Variants in SCUBE2 observed in about 807,000 individuals in gnomAD.
SCUBE2 encodes signal peptide, CUB domain and EGF like domain containing 2.
A neutral mutation model predicts 125.9 loss-of-function variants in SCUBE2; 114 were observed. The observed-to-expected ratio is 0.91, with a 90% confidence interval of 0.78 to 1.06. SCUBE2 has a LOEUF of 1.06. Ranked by LOEUF, SCUBE2 falls within the 50% of genes least tolerant of loss-of-function variation. SCUBE2 has a pLI of 0.00. For synonymous variants in SCUBE2, 459 were observed against 492.9 expected, an observed-to-expected ratio of 0.93 and a Z score of 0.91; for missense variants, 1,255 against 1,301.8, an observed-to-expected ratio of 0.96 and a Z score of 0.55.
At chr11:9,054,723 ATATTTTTTTT>A (rs1362505735) in intron 10 of SCUBE2, among the ~76,000 whole-genome samples, 1 of 38,856 alleles carries the variant, frequency 2.6e-5, no homozygotes, top group African/African-American at 1.2e-4. Context: ...ATATATATAT[ATATTTTTTTT>A]TTTTTTTTTT....
intron 16 of SCUBE2, among the ~76,000 whole-genome samples, chr11:9,034,613 AT>A (rs1295759575): frequency 6.6e-6 from 1 of 152,170 alleles, no homozygotes; most frequent in Non-Finnish European, 1.5e-5. Context: ...TGAAAAGTTC[AT>A]TCTCTGGTGG....
chr11:9,050,787 G>T, intron 13 of SCUBE2, 77 bp from the exon 14 acceptor site: 1 of 1,120,256 alleles, frequency 8.9e-7, no homozygotes, highest in Non-Finnish European at 1.4e-6. Context: ...GCAGCAAGCT[G>T]TCCATTGGTG....
At chr11:9,025,658 TCAAAG>T in intron 21 of SCUBE2, 39 bp downstream of exon 21, 1 of 1,607,940 alleles carries the variant, frequency 6.2e-7, no homozygotes, top group African/African-American at 1.3e-5. Flanking sequence ...TTGGCTCTGT[TCAAAG>T]CAGAGACGCT....
At chr11:9,077,725 T>C in intron 3 of SCUBE2, among the ~76,000 whole-genome samples, 1 of 152,206 alleles carries the variant, frequency 6.6e-6, no homozygotes, top group East Asian at 1.9e-4. Flanking sequence ...CCTTACCCCA[T>C]TCAGAAATAC....
intron 16 of SCUBE2, among the ~76,000 whole-genome samples, chr11:9,040,497 G>A (rs150424459): frequency 0.065 from 8,560 of 130,752 alleles, 291 homozygotes; most frequent in African/African-American, 0.14. Flanking sequence ...GGTACACAGC[G>A]TGGGTACGCA....
chr11:9,086,183 A>G (rs374625091), intron 2 of SCUBE2, among the ~76,000 whole-genome samples: 1 of 152,258 alleles, frequency 6.6e-6, no homozygotes, highest in Admixed American at 6.5e-5. Context: ...AGCAAAGATC[A>G]TTTAGAATAA....
At chr11:9,047,273 T>C (rs775783745) in intron 16 of SCUBE2, 83 bp downstream of exon 16, 1 of 1,391,198 alleles carries the variant, frequency 7.2e-7, no homozygotes, top group Non-Finnish European at 1.0e-6. Context: ...GAAGGGAGGA[T>C]GGGCCAGACT....
chr11:9,049,449 T>C (rs1198745803), intron 14 of SCUBE2, among the ~76,000 whole-genome samples: 1 of 152,068 alleles, frequency 6.6e-6, no homozygotes, highest in Non-Finnish European at 1.5e-5. Flanking sequence ...TTTTGTCATG[T>C]TACCCAGGCC....
Position 9,030,005 on chromosome 11 carries a change from G to A in SCUBE2, c.2382C>T (p.His794=). ...TTCCCACTGGGCAACGAATACATCG[G>A]TGAGTGGTGGTGTTGTAGAAATGTC... ...SPGHFYNTTT[H]RCIRCPVGTY... The change falls in exon 19 of 23, where the codon CAC becomes CAT. Residue 794 remains histidine (H), a synonymous_variant. Transcript: ENST00000649792. 1 of 1,614,190 alleles carries A rather than the reference G, an allele frequency of 6.2e-7. No individual in the cohort carries two copies. The highest frequency in any genetic ancestry group is 8.5e-7 in the Non-Finnish European group (1 of 1,180,032).
rs545742601 is a variant in SCUBE2, at chr11:9,022,124, C to T, written c.2855-169G>A. On this transcript the variant is annotated intron_variant, in intron 21 of 22. Transcript: ENST00000649792. ...AGAAAACTTCCACAGACTCCCACCA[C>T]CACCTCTCTTCACCTACCAGCATCT... 297 of 586,430 alleles carry T rather than the reference C, an allele frequency of 5.1e-4. 6 individuals are homozygous for T. The South Asian group carries it at 5.5e-3, about 11-fold the overall frequency. 36.3% of individuals were successfully genotyped at this position (586,430 alleles called of 1,614,324 possible).
At chr11:9,072,573 GA>G (rs1369347832) in intron 4 of SCUBE2, among the ~76,000 whole-genome samples, 1 of 152,050 alleles carries the variant, frequency 6.6e-6, no homozygotes, top group Non-Finnish European at 1.5e-5. Context: ...GGAAATCCTA[GA>G]AGAAAACTTT....
In SCUBE2 at chr11:9,091,445, CAG is replaced by C; in HGVS notation, c.82_83del (p.Leu28GlyfsTer20). ...LLLLLPPLLL[L>X]AGAVPPGRGR... ...CCCGACCCGGCGGGACGGCCCCCGC[CAG>C]CAGCAGCAGTGGCGGCAGCAGCAGC... On this transcript the variant is annotated frameshift_variant, in exon 1 of 23. Transcript: ENST00000649792. LOFTEE classifies it high-confidence loss of function. This position sits in a 1 kb window ranked among gnomAD's most constrained non-coding sequence, Gnocchi z 8.5. The C allele has an allele frequency of 7.6e-7, 1 of 1,321,346 alleles. No individual in the cohort carries two copies. 81.9% of individuals were successfully genotyped at this position (1,321,346 alleles called of 1,614,324 possible).
At chr11:9,031,700 C>T (rs1856319086) in intron 17 of SCUBE2, among the ~76,000 whole-genome samples, 1 of 151,916 alleles carries the variant, frequency 6.6e-6, no homozygotes, top group African/African-American at 2.4e-5. Context: ...AGATCTTACA[C>T]ATGTTATACC....
chr11:9,055,962 A>G (rs918794913), intron 9 of SCUBE2, 53 bp from the exon 10 acceptor site: 23 of 1,375,466 alleles, frequency 1.7e-5, no homozygotes, highest in Non-Finnish European at 2.4e-5. Context: ...GGGATGAGTG[A>G]AGAATAGGTT....
intron 5 of SCUBE2, among the ~76,000 whole-genome samples, chr11:9,068,708 C>T (rs889048991): frequency 6.6e-6 from 1 of 152,194 alleles, no homozygotes; most frequent in Non-Finnish European, 1.5e-5. Flanking sequence ...CCTGTGTGAC[C>T]TTGTTGCTTC....
chr11:9,055,591 C>T (rs1858999414), intron 10 of SCUBE2, among the ~76,000 whole-genome samples: 1 of 152,234 alleles, frequency 6.6e-6, no homozygotes, highest in East Asian at 1.9e-4. Flanking sequence ...CCATTTCACA[C>T]TCGGTGTGTT....
In SCUBE2 at chr11:9,060,318, A is replaced by T. The variant is rs368817661; in HGVS notation, c.967+90T>A. On this transcript the variant is annotated intron_variant, in intron 8 of 22. Transcript: ENST00000649792. Reference sequence around the variant, plus strand: ...AAATCTCGAGTCACGTGGGGTATGGAGGGTATGTTGCCTTTATCCCCATAT... The same window carrying T: ...AAATCTCGAGTCACGTGGGGTATGGTGGGTATGTTGCCTTTATCCCCATAT... 16 of 935,994 alleles carry T rather than the reference A, an allele frequency of 1.7e-5. No individual in the cohort carries two copies. The East Asian group carries it at 3.9e-4, about 23-fold the overall frequency. The allele number at this position is 935,994 out of a possible 1,614,324, so 58.0% of individuals were successfully genotyped here.
intron 22 of SCUBE2, among the ~76,000 whole-genome samples, chr11:9,021,458 T>A (rs2134976054): frequency 6.6e-6 from 1 of 152,328 alleles, no homozygotes; most frequent in South Asian, 2.1e-4. Context: ...AATGCAACAC[T>A]GGGATTTGGG....
rs1231891967 is a variant in SCUBE2 at position 9,091,443 on chromosome 11, G to A, written c.86C>T (p.Ala29Val). The A allele has an allele frequency of 3.0e-6, 4 of 1,332,908 alleles. No homozygotes were observed. The highest frequency in any genetic ancestry group is 2.9e-6 in the Non-Finnish European group (3 of 1,045,602). The allele number at this position is 1,332,908 out of a possible 1,614,324, so 82.6% of individuals were successfully genotyped here. A position where few individuals can be genotyped will look rare whatever the true frequency, so the allele number is the denominator to read the frequency against. ...LLLLPPLLLLAGAVPPGRGRA... is the reference protein window; with the variant it reads ...LLLLPPLLLLVGAVPPGRGRA... ...GCCCCGACCCGGCGGGACGGCCCCCGCCAGCAGCAGCAGTGGCGGCAGCAG... is the reference window on the plus strand; with the variant it reads ...GCCCCGACCCGGCGGGACGGCCCCCACCAGCAGCAGCAGTGGCGGCAGCAG... The change falls in exon 1 of 23, where the codon GCG becomes GTG. Residue 29 changes from alanine to valine, a missense_variant. This residue lies in a region of SCUBE2 where 362 missense variants were observed against 323.0 expected (regional missense o/e 1.12). Coordinates refer to ENST00000649792, the MANE Select transcript of SCUBE2 (RefSeq NM_001367977.2). The surrounding 1 kb of genome is among the most constrained non-coding windows in gnomAD (Gnocchi z 8.5).
Sources: allele counts gnomAD v4.1 joint callset (sites outside exome capture counted in the v4.1 genomes callset), GRCh38; gene constraint gnomAD v4.1.1; regional missense constraint gnomAD v4.1.1; non-coding constraint Gnocchi (gnomAD v3.1); transcripts MANE v1.5; gene names NCBI Gene and HGNC (gene_info 2026-07-23, HGNC 2026-07-21).